Variants in RYK observed in about 807,000 individuals in gnomAD.
RYK encodes the protein receptor like tyrosine kinase.
A neutral mutation model predicts 70.2 loss-of-function variants in RYK; 21 were observed. That is an observed-to-expected ratio of 0.30 (90% CI 0.21 to 0.43). The LOEUF is 0.43. Ranked by LOEUF, RYK falls within the 20% of genes least tolerant of loss-of-function variation. RYK has a pLI of 1.00. For missense variants in RYK, 604 were observed against 753.3 expected, an observed-to-expected ratio of 0.80 and a Z score of 2.32; for synonymous variants, 267 against 278.0, an observed-to-expected ratio of 0.96 and a Z score of 0.39.
chr3:134,172,152 T>C (rs1198394705), intron 13 of RYK, among the ~76,000 whole-genome samples: 5 of 152,152 alleles, frequency 3.3e-5, no homozygotes, highest in Non-Finnish European at 5.9e-5. Context: ...AAATTTTAAA[T>C]CAACCACTGG....
Position 134,165,097 on chromosome 3 carries a change from G to A in RYK, c.1576-5724C>T, listed in dbSNP as rs78012601. 2.2e-3 allele frequency among the ~76,000 whole-genome samples: 335 copies of A among 152,266 alleles called. 13 individuals carry two copies. In the East Asian group the frequency reaches 0.062, roughly 28 times the overall value. ...ATTTAATTTCTCTCAGCAATGTATT[G>A]TATAGCTCTTTCACATTTTTTGTCA... On this transcript the variant is annotated intron_variant, in intron 13 of 14. Coordinates refer to ENST00000623711, the MANE Select transcript of RYK (RefSeq NM_002958.4).
intron 1 of RYK, among the ~76,000 whole-genome samples, chr3:134,245,375 A>T (rs979948716): frequency 7.5e-5 from 11 of 146,612 alleles, no homozygotes; most frequent in East Asian, 2.0e-4. Context: ...ATGATAGTTT[A>T]AAAAAAAAAA....
chr3:134,194,252 C>G (rs960412186), intron 7 of RYK, among the ~76,000 whole-genome samples: 2 of 152,152 alleles, frequency 1.3e-5, no homozygotes, highest in Non-Finnish European at 2.9e-5. Context: ...TTCACTGGAG[C>G]CTTAGTCACC....
At chr3:134,201,449 G>GA (rs2014016258) in intron 6 of RYK, among the ~76,000 whole-genome samples, 1 of 152,058 alleles carries the variant, frequency 6.6e-6, no homozygotes, top group Admixed American at 6.6e-5. Context: ...TCCCTAACTG[G>GA]AAAAAGCTTA....
rs142568297 is a variant in RYK, at chr3:134,235,673, C to T, written c.233-13134G>A. ...TAATTACTATTAATTATTAGTGTTT[C>T]AAATACGACAACAGCAATCAAATGC... On this transcript the variant is annotated intron_variant, in intron 1 of 14. Coordinates refer to ENST00000623711, the MANE Select transcript of RYK (RefSeq NM_002958.4). Among the ~76,000 whole-genome samples, 272 of 152,160 alleles carry T rather than the reference C, an allele frequency of 1.8e-3. 1 individual carries two copies. The highest frequency in any genetic ancestry group is 6.2e-3 in the African/African-American group (257 of 41,516).
chr3:134,199,432 T>TAACA (rs2013917774), intron 6 of RYK, among the ~76,000 whole-genome samples: 1 of 152,242 alleles, frequency 6.6e-6, no homozygotes, highest in Non-Finnish European at 1.5e-5. Flanking sequence ...AGTGGATTAT[T>TAACA]AACACATAGC....
chr3:134,244,629 G>T (rs1025715976), intron 1 of RYK, among the ~76,000 whole-genome samples: 1 of 152,142 alleles, frequency 6.6e-6, no homozygotes, highest in East Asian at 1.9e-4. Flanking sequence ...ACACAGGAAG[G>T]CCAACCAGAG....
At chr3:134,194,865 C>A (rs775177066) in intron 7 of RYK, among the ~76,000 whole-genome samples, 1 of 152,196 alleles carries the variant, frequency 6.6e-6, no homozygotes, top group African/African-American at 2.4e-5. Context: ...GAAAGCCACA[C>A]CAATTCTAGC....
At chr3:134,176,206 CTATACTTA>C (rs2013094272) in intron 11 of RYK, among the ~76,000 whole-genome samples, 167 bp from the exon 12 acceptor site, 1 of 152,180 alleles carries the variant, frequency 6.6e-6, no homozygotes, top group South Asian at 2.1e-4. Context: ...CCATATATCC[CTATACTTA>C]TATCAACTGT....
intron 2 of RYK, among the ~76,000 whole-genome samples, chr3:134,212,524 C>T (rs183443077): frequency 6.6e-6 from 1 of 152,150 alleles, no homozygotes; most frequent in Admixed American, 6.5e-5. Context: ...TGCAGAGCCA[C>T]GAGGCAGCAG....
At chr3:134,181,756 T>C (rs1426764534) in intron 10 of RYK, 4 of 152,230 alleles carry the variant, frequency 2.6e-5, no homozygotes, top group East Asian at 1.9e-4. Context: ...TTAAAAAAAT[T>C]TGCTCTAATG....
At chr3:134,236,570 G>A (rs748073638) in intron 1 of RYK, among the ~76,000 whole-genome samples, 1 of 152,084 alleles carries the variant, frequency 6.6e-6, no homozygotes, top group African/African-American at 2.4e-5. Flanking sequence ...AAGAGTAAAA[G>A]CAGATCCTCA....
intron 1 of RYK, among the ~76,000 whole-genome samples, chr3:134,222,822 G>A (rs976892446): frequency 6.6e-6 from 1 of 152,168 alleles, no homozygotes; most frequent in Non-Finnish European, 1.5e-5. Context: ...TCTTCTGAGG[G>A]CCAGTGTGAT....
At chr3:134,200,032 ACTCTGTAAAATGGGCCAATCAGCT>A (rs1167943838) in intron 6 of RYK, among the ~76,000 whole-genome samples, 1 of 151,510 alleles carries the variant, frequency 6.6e-6, no homozygotes, top group African/African-American at 2.4e-5. Context: ...ACCAATCACC[ACTCTGTAAAATGGGCCAATCAGCT>A]CTCTGTAAAA....
intron 11 of RYK, among the ~76,000 whole-genome samples, chr3:134,177,512 C>T (rs1269768840): frequency 6.6e-6 from 1 of 152,190 alleles, no homozygotes; most frequent in Admixed American, 6.6e-5. Context: ...TACAGCCACG[C>T]ATATTAACAA....
chr3:134,240,560 A>G (rs779364105), intron 1 of RYK, among the ~76,000 whole-genome samples: 36 of 152,242 alleles, frequency 2.4e-4, no homozygotes, highest in Non-Finnish European at 5.0e-4. Context: ...CGAAACCTAC[A>G]TAACTTTTCA....
Position 134,250,415 on chromosome 3 carries a change from C to G in RYK, c.232+8G>C. 3 of 1,391,296 alleles carry G rather than the reference C, an allele frequency of 2.2e-6. No homozygotes were observed. The highest frequency in any genetic ancestry group is 1.9e-6 in the Non-Finnish European group (2 of 1,069,770). The allele number at this position is 1,391,296 out of a possible 1,614,324, so 86.2% of individuals were successfully genotyped here. Reference sequence around the variant, plus strand: ...CCTGCCCGCCCCGGCCTCGGCGGCCCCACTCACCGATCAGCCGGCGCACCT... The same window carrying G: ...CCTGCCCGCCCCGGCCTCGGCGGCCGCACTCACCGATCAGCCGGCGCACCT... On this transcript the variant is annotated splice_region_variant and intron_variant, in intron 1 of 14. Coordinates refer to ENST00000623711, the MANE Select transcript of RYK (RefSeq NM_002958.4).
chr3:134,181,985 G>A (rs2013309801), intron 10 of RYK, among the ~76,000 whole-genome samples: 1 of 152,078 alleles, frequency 6.6e-6, no homozygotes, highest in Non-Finnish European at 1.5e-5. Flanking sequence ...CTAACACGGT[G>A]AAACCCTGTC....
At chr3:134,239,970 GAGA>G (rs2015280633) in intron 1 of RYK, among the ~76,000 whole-genome samples, 1 of 152,320 alleles carries the variant, frequency 6.6e-6, no homozygotes, top group Admixed American at 6.5e-5. Flanking sequence ...ACTCCAGGGT[GAGA>G]AGGAGTCTGG....
Sources: allele counts gnomAD v4.1 joint callset (sites outside exome capture counted in the v4.1 genomes callset), GRCh38; gene constraint gnomAD v4.1.1; transcripts MANE v1.5; gene names NCBI Gene and HGNC (gene_info 2026-07-23, HGNC 2026-07-21).